CD55: variants seen among roughly 807,000 people sequenced by gnomAD.
CD55 encodes the protein complement decay-accelerating factor.
Under a neutral mutation model 45.8 loss-of-function variants are expected in CD55, and 41 were observed. The observed-to-expected ratio is 0.90, with a 90% CI of 0.70 to 1.16. The LOEUF is 1.16. Among genes scored for constraint, CD55 ranks in the 50% most tolerant of loss-of-function variants. CD55 has a pLI of 0.00. For missense variants in CD55, 416 were observed against 469.8 expected (o/e 0.89, Z 1.06); for synonymous variants, 181 against 181.1 (o/e 1.00, Z 0.01).
chr1:207,341,710 G>A (rs780016652), intron 9 of CD55, among the ~76,000 whole-genome samples: 1 of 151,040 alleles, frequency 6.6e-6, no homozygotes, highest in African/African-American at 2.4e-5. Context: ...TTTTTGCTCG[G>A]GTTGTGTTAG....
intron 5 of CD55, among the ~76,000 whole-genome samples, chr1:207,328,697 G>A (rs561075586): frequency 4.6e-5 from 7 of 152,248 alleles, no homozygotes; most frequent in Non-Finnish European, 7.4e-5. Flanking sequence ...TGACTATCAT[G>A]CCAGACCCTT....
intron 4 of CD55, among the ~76,000 whole-genome samples, chr1:207,325,969 A>G (rs553510719): frequency 6.6e-6 from 1 of 152,258 alleles, no homozygotes; most frequent in African/African-American, 2.4e-5. Flanking sequence ...ATTCAATATA[A>G]AATTTTAAAT....
At position 207,322,430 on chromosome 1, in the gene CD55, A is replaced by G; in HGVS notation, c.149A>G (p.Glu50Gly). ...GTACCTAATGCCCAGCCAGCTTTGG[A>G]AGGCCGTACAAGTTTTCCCGAGGAT... ...PDVPNAQPAL[E>G]GRTSFPEDTV... The change falls in exon 2 of 10, where the codon GAA (glutamate) becomes GGA (glycine). Residue 50 changes from glutamate (E) to glycine (G), a missense_variant. This residue lies in a region of CD55 where 123 missense variants were observed against 105.1 expected (regional missense o/e 1.17). Coordinates refer to ENST00000367064, the MANE Select transcript of CD55 (RefSeq NM_000574.5). 1 of 1,614,218 alleles carries G rather than the reference A, an allele frequency of 6.2e-7. No individual in the cohort carries two copies. The highest frequency in any genetic ancestry group is 8.5e-7 in the Non-Finnish European group (1 of 1,180,026).
At chr1:207,340,604 G>A (rs28738991) in intron 9 of CD55, 6,829 of 681,982 alleles carry the variant, frequency 0.01, 301 homozygotes, top group African/African-American at 0.1. Context: ...ACTCCTGGCC[G>A]TAAGCGATTT....
chr1:207,343,757 G>A (rs1655523120), intron 9 of CD55, among the ~76,000 whole-genome samples: 1 of 152,138 alleles, frequency 6.6e-6, no homozygotes, highest in Non-Finnish European at 1.5e-5. Flanking sequence ...TGCTGACAGT[G>A]GGATGTTGAA....
At chr1:207,323,143 A>G (rs892003439) in intron 2 of CD55, among the ~76,000 whole-genome samples, 2 of 151,470 alleles carry the variant, frequency 1.3e-5, no homozygotes, top group Non-Finnish European at 2.9e-5. Flanking sequence ...AAATATATGT[A>G]TATATATAAA....
Position 207,359,516 on chromosome 1 carries a change from CTTTTTTT to C in CD55, c.1082-16_1082-10del, listed in dbSNP as rs56236833. 2.9e-4 allele frequency: 376 copies of C among 1,284,848 alleles called. 1 individual carries two copies. The Middle Eastern group carries it at 5.9e-3, about 20-fold the overall frequency. 79.6% of individuals were successfully genotyped at this position (1,284,848 alleles called of 1,614,324 possible). A position where few individuals can be genotyped will look rare whatever the true frequency, so the allele number is the denominator to read the frequency against. ...GTAAATAAAATCATTTTGATTTTAA[CTTTTTTT>C]TTTTTTTTTTTTTAATTTTCAGGGC... On this transcript the variant is annotated intron_variant, in intron 9 of 9. Coordinates refer to ENST00000367064, the MANE Select transcript of CD55 (RefSeq NM_000574.5).
intron 9 of CD55, chr1:207,347,550 G>A (rs1030392350): frequency 8.2e-5 from 19 of 231,780 alleles, no homozygotes; most frequent in African/African-American, 1.2e-4. Flanking sequence ...GTGAGCCACC[G>A]CACCTGGCCA....
intron 5 of CD55, among the ~76,000 whole-genome samples, chr1:207,328,523 CTAAT>C (rs1447644329): frequency 2.1e-4 from 32 of 152,348 alleles, no homozygotes; most frequent in Admixed American, 1.9e-3. Flanking sequence ...GACACATTCA[CTAAT>C]TGTCTATAGT....
At chr1:207,328,303 C>T (rs753301285) in intron 5 of CD55, among the ~76,000 whole-genome samples, 3 of 152,184 alleles carry the variant, frequency 2.0e-5, no homozygotes, top group Non-Finnish European at 4.4e-5. Context: ...AATCCCAGTG[C>T]CTTCAAATAT....
intron 9 of CD55, among the ~76,000 whole-genome samples, chr1:207,346,872 C>T (rs1488943526): frequency 6.6e-6 from 1 of 152,120 alleles, no homozygotes; most frequent in Non-Finnish European, 1.5e-5. Flanking sequence ...TATGTTAGAT[C>T]TAGAGCCTAC....
At chr1:207,341,476 C>T (rs1655422527) in intron 9 of CD55, among the ~76,000 whole-genome samples, 1 of 151,938 alleles carries the variant, frequency 6.6e-6, no homozygotes, top group South Asian at 2.1e-4. Flanking sequence ...TTTCATTCTT[C>T]TGTATTTTCC....
At chr1:207,357,484 A>C (rs1656120646) in intron 9 of CD55, among the ~76,000 whole-genome samples, 1 of 149,564 alleles carries the variant, frequency 6.7e-6, no homozygotes. Flanking sequence ...CAAGTTATAA[A>C]GTATCAATGT....
chr1:207,343,682 C>T (rs1291993859), intron 9 of CD55, among the ~76,000 whole-genome samples: 1 of 152,130 alleles, frequency 6.6e-6, no homozygotes, highest in East Asian at 1.9e-4. Context: ...CTGTTAGGTC[C>T]ATTTGGTCTA....
intron 9 of CD55, among the ~76,000 whole-genome samples, chr1:207,349,522 G>A (rs1029522771): frequency 6.6e-6 from 1 of 152,116 alleles, no homozygotes; most frequent in African/African-American, 2.4e-5. Context: ...CTATGCATGA[G>A]CATGGAATAT....
chr1:207,340,423 T>G, intron 9 of CD55: 1 of 583,824 alleles, frequency 1.7e-6, no homozygotes, highest in Non-Finnish European at 3.1e-6. Flanking sequence ...TGGTATGCGG[T>G]GGTGTGATCG....
At chr1:207,326,660 G>C in intron 4 of CD55, 92 bp from the exon 5 acceptor site, 1 of 908,540 alleles carries the variant, frequency 1.1e-6, no homozygotes, top group East Asian at 2.4e-5. Context: ...TAATTGTGTA[G>C]TAAATATTTT....
rs749232730 is a variant in CD55, at chr1:207,321,884, GC to G, written c.100+21del. 91 of 1,493,996 alleles carry G rather than the reference GC, an allele frequency of 6.1e-5. No individual in the cohort carries two copies. In the South Asian group the frequency reaches 1.1e-3, roughly 18 times the overall value. The allele number at this position is 1,493,996 out of a possible 1,614,324, so 92.5% of individuals were successfully genotyped here. On this transcript the variant is annotated intron_variant, in intron 1 of 9. Transcript: ENST00000367064. ...GTGTGGGGTGAGTAGGGGCCCGGCG[GC>G]CGGGGAAGCCCCTGGGCTGGGTGGG... is the stretch of plus-strand genomic sequence containing the variant.
At position 207,339,130 on chromosome 1, in the gene CD55, A is replaced by C. The variant is rs548631858; in HGVS notation, c.1061-267A>C. Among the ~76,000 whole-genome samples the C allele has an allele frequency of 5.3e-5, 8 of 152,266 alleles. No individual in the cohort carries two copies. In the East Asian group the frequency reaches 1.5e-3, roughly 29 times the overall value. On this transcript the variant is annotated intron_variant, in intron 8 of 9. Transcript: ENST00000367064. ...AGTCCTATAACCAAATTTAAATGGC[A>C]TTTGTTTTGGTAATCAATAACTCTT...
Sources: gnomAD v4.1 joint callset for allele counts (sites outside exome capture counted in the v4.1 genomes callset) on GRCh38, gnomAD v4.1.1 for gene constraint, gnomAD v4.1.1 regional missense constraint, MANE v1.5 for transcripts, NCBI Gene and HGNC (gene_info 2026-07-23, HGNC 2026-07-21) for gene names.